SCAMP2: variants seen among roughly 807,000 people sequenced by gnomAD.
The protein encoded by SCAMP2 is secretory carrier membrane protein 2, also known as secretory carrier-associated membrane protein 2.
A neutral mutation model predicts 44.1 loss-of-function variants in SCAMP2; 25 were observed. The ratio of observed to expected loss-of-function variants is 0.57; its 90% CI spans 0.41 to 0.79. SCAMP2 has a LOEUF of 0.79. SCAMP2 is among the 30% of genes least tolerant of loss of function. The pLI is 0.00. For synonymous variants in SCAMP2, 156 were observed against 166.0 expected (o/e 0.94, Z 0.46); for missense variants, 355 against 411.0 (o/e 0.86, Z 1.18).
chr15:74,845,027 A>G lies in SCAMP2; in HGVS notation c.*56T>C. 6.4e-7 allele frequency: 1 copy of G among 1,574,626 alleles called. No homozygotes were observed. Among genetic ancestry groups the G allele is most frequent in the South Asian group, 1.2e-5 (1 of 86,742 alleles). Reference sequence around the variant, plus strand: ...ACCACCACATAAGGCACCCACGGAAAGTGCAGCTCAGAAGGCAGGCGAGAG... The same window carrying G: ...ACCACCACATAAGGCACCCACGGAAGGTGCAGCTCAGAAGGCAGGCGAGAG... On this transcript the variant is annotated 3_prime_UTR_variant, in exon 9 of 9. Coordinates refer to ENST00000268099, the MANE Select transcript of SCAMP2 (RefSeq NM_005697.5).
intron 2 of SCAMP2, 36 bp from the exon 3 acceptor site, chr15:74,854,155 G>C: frequency 1.3e-6 from 2 of 1,549,572 alleles, no homozygotes; most frequent in Non-Finnish European, 1.8e-6. Context: ...AATTGAGTGG[G>C]ACTCCATTAG....
Position 74,860,651 on chromosome 15 carries a change from C to T in SCAMP2, c.58-6002G>A, listed in dbSNP as rs188619900. 9.5e-5 allele frequency among the ~76,000 whole-genome samples: 14 copies of T among 147,332 alleles called. No homozygotes were observed. The East Asian group carries it at 2.6e-3, about 27-fold the overall frequency. On this transcript the variant is annotated intron_variant, in intron 1 of 8. Transcript: ENST00000268099. ...GCAGTGAGCCAAGATTGTGCCATTG[C>T]CCTCCAGCCTGGGATACAGAGGAAG...
intron 3 of SCAMP2, 33 bp from the exon 4 acceptor site, chr15:74,852,219 A>G: frequency 7.1e-7 from 1 of 1,410,928 alleles, no homozygotes; most frequent in Middle Eastern, 1.9e-4. Context: ...AGGGACAGCC[A>G]GACACAACAA....
intron 1 of SCAMP2, among the ~76,000 whole-genome samples, chr15:74,867,933 G>A (rs188110374): frequency 5.3e-5 from 8 of 152,320 alleles, no homozygotes; most frequent in Admixed American, 3.3e-4. Flanking sequence ...GCAGCCCTAG[G>A]CACTTGCCTG....
At chr15:74,871,941 A>T (rs547605828) in intron 1 of SCAMP2, among the ~76,000 whole-genome samples, 1 of 150,556 alleles carries the variant, frequency 6.6e-6, no homozygotes, top group South Asian at 2.1e-4. Flanking sequence ...GTTTCTCGGG[A>T]GGCTGAAGCA....
chr15:74,853,678 AGATTCTGGGCCCCAAG>A (rs1424833418), intron 3 of SCAMP2: 1 of 410,250 alleles, frequency 2.4e-6, no homozygotes, highest in East Asian at 5.5e-5. Flanking sequence ...AAAAAGAGAG[AGATTCTGGGCCCCAAG>A]GAAGAGAGAA....
At chr15:74,857,609 G>C (rs1303900101) in intron 1 of SCAMP2, among the ~76,000 whole-genome samples, 2 of 152,166 alleles carry the variant, frequency 1.3e-5, no homozygotes, top group South Asian at 4.1e-4. Flanking sequence ...ATGTTTAATA[G>C]GTGATCTCCA....
At chr15:74,864,218 T>C (rs141170036) in intron 1 of SCAMP2, among the ~76,000 whole-genome samples, 1,803 of 152,242 alleles carry the variant, frequency 0.012, 41 homozygotes, top group African/African-American at 0.04. Context: ...TGTGCCACCA[T>C]GCCCAGCTAA....
chr15:74,858,930 T>C (rs1033579057), intron 1 of SCAMP2, among the ~76,000 whole-genome samples: 4 of 146,436 alleles, frequency 2.7e-5, no homozygotes, highest in African/African-American at 1.0e-4. Flanking sequence ...TGCCTCAGCC[T>C]CCCCAGTAGC....
intron 1 of SCAMP2, among the ~76,000 whole-genome samples, chr15:74,865,367 C>G (rs1290873459): frequency 3.5e-5 from 4 of 113,682 alleles, no homozygotes; most frequent in Non-Finnish European, 7.0e-5. Context: ...GGCAACAGAG[C>G]AAGACTTTGT....
chr15:74,852,502 G>A (rs187786605), intron 3 of SCAMP2: 111 of 256,190 alleles, frequency 4.3e-4, no homozygotes, highest in East Asian at 3.5e-3. Context: ...TCAAGGCAGC[G>A]CTCAGTGATT....
intron 1 of SCAMP2, among the ~76,000 whole-genome samples, chr15:74,860,670 G>A (rs2064497532): frequency 7.3e-6 from 1 of 136,204 alleles, no homozygotes; most frequent in African/African-American, 2.8e-5. Context: ...CTGGGATACA[G>A]AGGAAGACTC....
At chr15:74,860,199 A>G (rs978201461) in intron 1 of SCAMP2, among the ~76,000 whole-genome samples, 3 of 151,196 alleles carry the variant, frequency 2.0e-5, no homozygotes, top group African/African-American at 7.3e-5. Flanking sequence ...TCACCTGAGA[A>G]CAGGAGTTTC....
chr15:74,857,458 G>C (rs1358588568), intron 1 of SCAMP2, among the ~76,000 whole-genome samples: 1 of 152,212 alleles, frequency 6.6e-6, no homozygotes, highest in Non-Finnish European at 1.5e-5. Flanking sequence ...CAGACACCTA[G>C]CCACCGCTGA....
intron 1 of SCAMP2, among the ~76,000 whole-genome samples, chr15:74,872,337 C>G (rs536396512): frequency 6.6e-6 from 1 of 151,126 alleles, no homozygotes; most frequent in Non-Finnish European, 1.5e-5. Flanking sequence ...TGCTTGAACT[C>G]GGGAGGCAGA....
chr15:74,863,343 T>G, intron 1 of SCAMP2, among the ~76,000 whole-genome samples: 1 of 134,266 alleles, frequency 7.4e-6, no homozygotes, highest in Non-Finnish European at 1.6e-5. Context: ...TGAGACTCCG[T>G]CTCAAAAAAA....
chr15:74,848,519 C>A, intron 7 of SCAMP2, 81 bp downstream of exon 7: 1 of 911,096 alleles, frequency 1.1e-6, no homozygotes, highest in Admixed American at 2.2e-5. Context: ...TGGCGGGGCT[C>A]TGTGGGAGCT....
At chr15:74,872,998 G>A in intron 1 of SCAMP2, 1 of 506,070 alleles carries the variant, frequency 2.0e-6, no homozygotes. Flanking sequence ...ACACTTCAGC[G>A]CCCCGCCTCC....
At chr15:74,849,325 G>A (rs2064419544) in intron 6 of SCAMP2, among the ~76,000 whole-genome samples, 1 of 152,176 alleles carries the variant, frequency 6.6e-6, no homozygotes, top group African/African-American at 2.4e-5. Flanking sequence ...GTGTGCGCCT[G>A]TAATCCCAGC....
Sources: gnomAD v4.1 joint callset for allele counts (sites outside exome capture counted in the v4.1 genomes callset) on GRCh38, gnomAD v4.1.1 for gene constraint, MANE v1.5 for transcripts, NCBI Gene and HGNC (gene_info 2026-07-23, HGNC 2026-07-21) for gene names.